Variants in OPCML observed in about 807,000 individuals in gnomAD.
The protein encoded by OPCML is opioid-binding protein/cell adhesion molecule.
Under a neutral mutation model 37.8 loss-of-function variants are expected in OPCML, and 13 were observed. That is an observed-to-expected ratio of 0.34 (90% CI 0.22 to 0.55). OPCML has a LOEUF of 0.55. Ranked by LOEUF, OPCML falls within the 20% of genes least tolerant of loss-of-function variation. The pLI, the probability that OPCML is intolerant of heterozygous loss-of-function variation, is 0.91. For synonymous variants in OPCML, 176 were observed against 168.8 expected, an observed-to-expected ratio of 1.04 and a Z score of -0.33; for missense variants, 341 against 435.6, an observed-to-expected ratio of 0.78 and a Z score of 1.93.
chr11:132,997,778 C>T (rs1042622860), intron 1 of OPCML, among the ~76,000 whole-genome samples: 1 of 152,194 alleles, frequency 6.6e-6, no homozygotes, highest in African/African-American at 2.4e-5. Context: ...ATTCCTTCCT[C>T]GCAGAGTTAG....
At chr11:132,974,055 C>T (rs1011609827) in intron 1 of OPCML, among the ~76,000 whole-genome samples, 6 of 152,306 alleles carry the variant, frequency 3.9e-5, no homozygotes, top group African/African-American at 7.2e-5. Flanking sequence ...TGTCCCTCCT[C>T]GCATAATCAC....
chr11:132,657,617 C>T (rs1894193), intron 2 of OPCML, among the ~76,000 whole-genome samples: 93,180 of 152,014 alleles, frequency 0.61, 29,683 homozygotes, highest in African/African-American at 0.79. Flanking sequence ...ATATGAAAAT[C>T]AGTTTATGTT....
intron 2 of OPCML, among the ~76,000 whole-genome samples, chr11:132,864,183 C>G (rs1304519547): frequency 6.6e-6 from 1 of 152,132 alleles, no homozygotes; most frequent in Non-Finnish European, 1.5e-5. Flanking sequence ...GGTGATCCAC[C>G]CTCCTCGGCC....
At chr11:132,784,392 G>A (rs1467724945) in intron 2 of OPCML, among the ~76,000 whole-genome samples, 2 of 151,982 alleles carry the variant, frequency 1.3e-5, no homozygotes, top group Non-Finnish European at 2.9e-5. Context: ...CTTCTCCACA[G>A]CACCAACTTC....
intron 1 of OPCML, among the ~76,000 whole-genome samples, chr11:133,284,009 C>G (rs1942232086): frequency 6.6e-6 from 1 of 152,150 alleles, no homozygotes; most frequent in South Asian, 2.1e-4. Flanking sequence ...TTTCCGCCAG[C>G]AGTAATCAGC....
At chr11:133,132,893 A>G (rs1306418078) in intron 1 of OPCML, among the ~76,000 whole-genome samples, 1 of 152,044 alleles carries the variant, frequency 6.6e-6, no homozygotes, top group Admixed American at 6.6e-5. Context: ...AAAGTCCACA[A>G]AGATACTCAG....
intron 1 of OPCML, among the ~76,000 whole-genome samples, chr11:133,310,333 T>C (rs1565564148): frequency 6.6e-6 from 1 of 152,170 alleles, no homozygotes; most frequent in Non-Finnish European, 1.5e-5. Flanking sequence ...GGGGATTATA[T>C]GGAAGTTTCA....
chr11:133,072,454 T>G (rs997543585), intron 1 of OPCML, among the ~76,000 whole-genome samples: 1 of 151,998 alleles, frequency 6.6e-6, no homozygotes, highest in African/African-American at 2.4e-5. Flanking sequence ...AAATAGAAAA[T>G]CTAGATATGG....
chr11:132,512,201 CAA>C (rs1237203349), intron 4 of OPCML, among the ~76,000 whole-genome samples: 2 of 151,988 alleles, frequency 1.3e-5, no homozygotes, highest in African/African-American at 4.8e-5. Flanking sequence ...GATAATATTT[CAA>C]AGACAGGATA....
chr11:132,609,515 C>T (rs959928354), intron 3 of OPCML, among the ~76,000 whole-genome samples: 1 of 152,106 alleles, frequency 6.6e-6, no homozygotes, highest in African/African-American at 2.4e-5. Flanking sequence ...ATTTACCCAC[C>T]AGCATGCAAA....
At chr11:133,196,497 T>C (rs907900570) in intron 1 of OPCML, among the ~76,000 whole-genome samples, 2 of 152,214 alleles carry the variant, frequency 1.3e-5, no homozygotes, top group African/African-American at 4.8e-5. Flanking sequence ...TCTAACTCTC[T>C]TGCCAGGTAG....
chr11:132,473,028 C>A (rs891649713), intron 4 of OPCML, among the ~76,000 whole-genome samples: 1 of 152,184 alleles, frequency 6.6e-6, no homozygotes, highest in Non-Finnish European at 1.5e-5. Context: ...CTTCACTAGG[C>A]TTGGAAGAGG....
At chr11:133,112,803 G>A (rs1451326758) in intron 1 of OPCML, among the ~76,000 whole-genome samples, 1 of 152,086 alleles carries the variant, frequency 6.6e-6, no homozygotes, top group African/African-American at 2.4e-5. Context: ...CCAAGGGCGA[G>A]CAGGTTAAAG....
chr11:132,717,694 A>C (rs1944541831), intron 2 of OPCML, among the ~76,000 whole-genome samples: 1 of 152,232 alleles, frequency 6.6e-6, no homozygotes, highest in African/African-American at 2.4e-5. Flanking sequence ...GAAAATAGAA[A>C]GAAAGGAAGA....
chr11:132,428,259 A>G (rs929762044), intron 7 of OPCML, among the ~76,000 whole-genome samples: 3 of 152,238 alleles, frequency 2.0e-5, no homozygotes, highest in South Asian at 2.1e-4. Flanking sequence ...GGAGGGGACT[A>G]CAAGTCCTCT....
intron 1 of OPCML, among the ~76,000 whole-genome samples, chr11:133,088,246 ACTT>A: frequency 6.6e-6 from 1 of 152,350 alleles, no homozygotes; most frequent in South Asian, 2.1e-4. Context: ...GAGACAGAAA[ACTT>A]CATGGTTTTC....
chr11:133,420,180 C>G, intron 1 of OPCML: 2 of 818,276 alleles, frequency 2.4e-6, no homozygotes, highest in Non-Finnish European at 3.0e-6. Flanking sequence ...CACAGACAAA[C>G]ACACACACAA....
chr11:132,770,724 G>T (rs1418743653), intron 2 of OPCML, among the ~76,000 whole-genome samples: 1 of 152,122 alleles, frequency 6.6e-6, no homozygotes, highest in African/African-American at 2.4e-5. Flanking sequence ...ACGTTTCTGA[G>T]GAGCCTACTG....
At chr11:133,446,827 G>A (rs1416865371) in intron 1 of OPCML, among the ~76,000 whole-genome samples, 2 of 152,160 alleles carry the variant, frequency 1.3e-5, no homozygotes, top group Non-Finnish European at 2.9e-5. Context: ...TTTTTATACA[G>A]CATAAGTTTT....
Sources: gnomAD v4.1 joint callset for allele counts (sites outside exome capture counted in the v4.1 genomes callset) on GRCh38, gnomAD v4.1.1 for gene constraint, MANE v1.5 for transcripts, NCBI Gene and HGNC (gene_info 2026-07-23, HGNC 2026-07-21) for gene names.